CREB5: variants seen among roughly 807,000 people sequenced by gnomAD.
CREB5 encodes cyclic AMP-responsive element-binding protein 5.
In CREB5, 19 loss-of-function variants were observed where a neutral mutation model predicts 57.1. The observed-to-expected ratio is 0.33, with a 90% confidence interval of 0.23 to 0.49. The LOEUF (loss-of-function observed/expected upper bound fraction) is 0.49, where lower values mean the gene tolerates loss of function less well. CREB5 is among the 20% of genes least tolerant of loss of function. The pLI is 0.99. For missense variants in CREB5, 579 were observed against 671.6 expected (o/e 0.86, Z 1.52); for synonymous variants, 238 against 238.3 (o/e 1.00, Z 0.01).
chr7:28,817,611 T>G lies in CREB5; in HGVS notation c.1255-460T>G, dbSNP rs144598965. On this transcript the variant is annotated intron_variant, in intron 9 of 10. Coordinates refer to ENST00000357727, the MANE Select transcript of CREB5 (RefSeq NM_182898.4). ...GCTTGTGAAGGTTACAATAGTTAAA[T>G]GTATTAAGTCCTTATTATGTGCTGG... Among the ~76,000 whole-genome samples the G allele has an allele frequency of 1.4e-3, 209 of 152,348 alleles. 1 individual carries two copies. Among genetic ancestry groups the G allele is most frequent in the African/African-American group, 4.4e-3 (185 of 41,592 alleles).
At chr7:28,757,089 A>C (rs1001249804) in intron 7 of CREB5, among the ~76,000 whole-genome samples, 1 of 152,200 alleles carries the variant, frequency 6.6e-6, no homozygotes, top group Non-Finnish European at 1.5e-5. Context: ...TTTTTAGCGT[A>C]CTGTTACATA....
intron 7 of CREB5, among the ~76,000 whole-genome samples, chr7:28,769,997 A>G (rs953431449): frequency 3.3e-5 from 5 of 152,210 alleles, no homozygotes; most frequent in African/African-American, 1.2e-4. Context: ...GTTCTGTACA[A>G]CTGTGTCCAG....
chr7:28,564,529 G>A (rs1004826038), intron 4 of CREB5, among the ~76,000 whole-genome samples: 1 of 152,184 alleles, frequency 6.6e-6, no homozygotes, highest in East Asian at 1.9e-4. Context: ...AAGCTCAGGA[G>A]TATGCAATCA....
intron 1 of CREB5, among the ~76,000 whole-genome samples, chr7:28,340,654 C>A (rs374949556): frequency 1.3e-5 from 2 of 152,138 alleles, no homozygotes; most frequent in African/African-American, 4.8e-5. Flanking sequence ...CTCACTAAGT[C>A]GTGTGTCCCC....
chr7:28,409,609 A>AT (rs143151928), upstream of CREB5: 1,036 of 251,290 alleles, frequency 4.1e-3, 10 homozygotes, highest in African/African-American at 0.023. This position sits in a 1 kb window ranked among gnomAD's most constrained non-coding sequence, Gnocchi z 4.4. Flanking sequence ...GATGCGATGC[A>AT]TTTTTTTCTG....
At chr7:28,385,294 C>A (rs2127996744) in intron 1 of CREB5, among the ~76,000 whole-genome samples, 1 of 151,382 alleles carries the variant, frequency 6.6e-6, no homozygotes, top group South Asian at 2.1e-4. Context: ...TCGTAGATAT[C>A]ACCTTTACTA....
intron 7 of CREB5, among the ~76,000 whole-genome samples, chr7:28,753,661 T>C (rs1309063670): frequency 6.6e-6 from 1 of 152,196 alleles, no homozygotes; most frequent in Non-Finnish European, 1.5e-5. Context: ...CTAAATGGCA[T>C]GCACTTGTTG....
intron 4 of CREB5, among the ~76,000 whole-genome samples, chr7:28,532,970 A>G (rs1000349124): frequency 1.6e-4 from 25 of 152,238 alleles, no homozygotes; most frequent in African/African-American, 5.8e-4. Context: ...GGGAAGATCC[A>G]CTTATGACAT....
chr7:28,647,618 T>C (rs1184957357), intron 5 of CREB5, among the ~76,000 whole-genome samples: 1 of 152,196 alleles, frequency 6.6e-6, no homozygotes, highest in Non-Finnish European at 1.5e-5. Context: ...AAGAGCCAAG[T>C]TGGCCAGGAT....
chr7:28,744,159 G>T (rs1387442656), intron 7 of CREB5, among the ~76,000 whole-genome samples: 4 of 146,720 alleles, frequency 2.7e-5, no homozygotes, highest in African/African-American at 7.6e-5. Flanking sequence ...TTTCATCCAT[G>T]TCCCTACAAA....
At chr7:28,618,866 G>C (rs191954615) in intron 5 of CREB5, among the ~76,000 whole-genome samples, 26 of 152,324 alleles carry the variant, frequency 1.7e-4, no homozygotes, top group Admixed American at 4.6e-4. Context: ...TAGGAGGTTA[G>C]GTATGGTTCT....
chr7:28,538,045 C>T (rs75492108), intron 4 of CREB5, among the ~76,000 whole-genome samples: 40,849 of 151,670 alleles, frequency 0.27, 5,928 homozygotes, highest in East Asian at 0.56. Flanking sequence ...TTGTTGTTAT[C>T]GTTTTGTTTT....
intron 1 of CREB5, among the ~76,000 whole-genome samples, chr7:28,448,139 C>T (rs1789582776): frequency 6.6e-6 from 1 of 152,194 alleles, no homozygotes; most frequent in Non-Finnish European, 1.5e-5. Context: ...AAAGGAGAGA[C>T]TGGCCTAGCC....
At position 28,732,554 on chromosome 7, in the gene CREB5, GA is replaced by G. The variant is rs905619050; in HGVS notation, c.702+8231del. On this transcript the variant is annotated intron_variant, in intron 7 of 10. Transcript: ENST00000357727. The stretch of plus-strand genomic sequence containing the variant: ...AGTTCAGCTGTGTCAGAAAAGCCAG[GA>G]AAAAAAAAGGAAATTTAACAATCTT... 1.4e-4 allele frequency among the ~76,000 whole-genome samples: 21 copies of G among 150,222 alleles called. 2 individuals are homozygous for G. The highest frequency in any genetic ancestry group is 4.4e-4 in the African/African-American group (18 of 41,014).
intron 4 of CREB5, among the ~76,000 whole-genome samples, chr7:28,559,447 G>A (rs550472893): frequency 3.9e-5 from 6 of 152,086 alleles, no homozygotes; most frequent in African/African-American, 7.2e-5. Context: ...CCTGAGTAGC[G>A]GGGATTACAG....
chr7:28,683,576 C>G (rs1800705016), intron 5 of CREB5, among the ~76,000 whole-genome samples: 2 of 152,142 alleles, frequency 1.3e-5, no homozygotes, highest in Non-Finnish European at 2.9e-5. Flanking sequence ...ACACTGTACC[C>G]ATTGGCGATG....
intron 5 of CREB5, among the ~76,000 whole-genome samples, chr7:28,594,174 A>T (rs1356620714): frequency 6.6e-6 from 1 of 152,126 alleles, no homozygotes; most frequent in African/African-American, 2.4e-5. Context: ...TACCCGCTAG[A>T]CTCTCTTAGC....
intron 5 of CREB5, among the ~76,000 whole-genome samples, chr7:28,671,558 G>A (rs182298945): frequency 1.5e-4 from 23 of 152,276 alleles, no homozygotes; most frequent in Admixed American, 1.2e-3. Context: ...AAATTCTGGT[G>A]GGACTTGGGT....
At chr7:28,329,789 G>A (rs1449880048) in intron 1 of CREB5, among the ~76,000 whole-genome samples, 1 of 152,206 alleles carries the variant, frequency 6.6e-6, no homozygotes, top group South Asian at 2.1e-4. Flanking sequence ...ACAGGACAGA[G>A]GGGCATGAAT....
Sources: gnomAD v4.1 joint callset for allele counts (sites outside exome capture counted in the v4.1 genomes callset) on GRCh38, gnomAD v4.1.1 for gene constraint, Gnocchi (gnomAD v3.1) non-coding constraint, MANE v1.5 for transcripts, NCBI Gene and HGNC (gene_info 2026-07-23, HGNC 2026-07-21) for gene names.